Variants in HACE1 observed in about 807,000 individuals in gnomAD.
HACE1 encodes the protein HECT domain and ankyrin repeat containing E3 ubiquitin protein ligase 1.
A neutral mutation model predicts 118.4 loss-of-function variants in HACE1; 73 were observed. The ratio of observed to expected loss-of-function variants is 0.62; its 90% CI spans 0.51 to 0.75. The LOEUF (loss-of-function observed/expected upper bound fraction) is 0.75. Ranked by LOEUF, HACE1 falls within the 30% of genes least tolerant of loss-of-function variation. The probability of loss-of-function intolerance (pLI) is 0.00; values close to 1 mark genes in which losing one functional copy is unlikely to be tolerated. For synonymous variants in HACE1, 368 were observed against 374.8 expected, an observed-to-expected ratio of 0.98 and a Z score of 0.21; for missense variants, 749 against 1,102.2, an observed-to-expected ratio of 0.68 and a Z score of 4.54.
intron 20 of HACE1, among the ~76,000 whole-genome samples, chr6:104,746,016 G>A (rs1277458120): frequency 1.3e-5 from 2 of 152,120 alleles, no homozygotes; most frequent in African/African-American, 4.8e-5. Flanking sequence ...GGGCCCATTT[G>A]TCTTCTACTA....
At chr6:104,732,422 T>C (rs1014407256) in intron 22 of HACE1, 3 of 152,212 alleles carry the variant, frequency 2.0e-5, no homozygotes, top group African/African-American at 7.2e-5. Context: ...GAAGACCTTA[T>C]GCTAAGTGAA....
At chr6:104,751,486 G>A (rs1390417168) in intron 19 of HACE1, among the ~76,000 whole-genome samples, 3 of 152,092 alleles carry the variant, frequency 2.0e-5, no homozygotes, top group Admixed American at 6.6e-5. Context: ...AATAAGCAGA[G>A]GGCATGGTGG....
At chr6:104,762,989 CAAAAAA>C (rs56232124) in intron 19 of HACE1, among the ~76,000 whole-genome samples, 1 of 32,256 alleles carries the variant, frequency 3.1e-5, no homozygotes, top group Non-Finnish European at 6.4e-5. Flanking sequence ...GACTCCATCT[CAAAAAA>C]AAAAAAAAAA....
intron 1 of HACE1, among the ~76,000 whole-genome samples, chr6:104,856,052 A>G (rs1264550630): frequency 6.6e-6 from 1 of 152,242 alleles, no homozygotes; most frequent in Non-Finnish European, 1.5e-5. Flanking sequence ...ACTATCCAAG[A>G]AATACTATAC....
chr6:104,777,681 C>T (rs1314574460), intron 14 of HACE1, among the ~76,000 whole-genome samples: 3 of 152,148 alleles, frequency 2.0e-5, no homozygotes, highest in Non-Finnish European at 2.9e-5. Context: ...AGAAAAATTA[C>T]GTTGCGTGTT....
intron 6 of HACE1, 57 bp from the exon 7 acceptor site, chr6:104,811,450 T>C (rs1473288044): frequency 2.4e-6 from 2 of 824,896 alleles, no homozygotes; most frequent in Admixed American, 1.7e-5. Context: ...AAAGATACAA[T>C]TACCACAATT....
intron 9 of HACE1, 126 bp from the exon 10 acceptor site, chr6:104,795,811 T>C (rs1769560810): frequency 3.1e-6 from 2 of 649,778 alleles, no homozygotes; most frequent in Non-Finnish European, 5.4e-6. Flanking sequence ...TTATTTTGTC[T>C]TGCATAAGTT....
chr6:104,756,757 A>G (rs1778745507), intron 19 of HACE1, among the ~76,000 whole-genome samples: 2 of 152,188 alleles, frequency 1.3e-5, no homozygotes, highest in Non-Finnish European at 1.5e-5. Context: ...TCACCCGGGA[A>G]GCGCAAGGGG....
At chr6:104,775,916 G>C (rs541770976) in intron 17 of HACE1, among the ~76,000 whole-genome samples, 18 of 152,280 alleles carry the variant, frequency 1.2e-4, no homozygotes, top group African/African-American at 3.8e-4. Context: ...TAAACATTTG[G>C]GGAGAGAAAA....
chr6:104,830,173 T>C (rs1190579994), intron 6 of HACE1, among the ~76,000 whole-genome samples: 1 of 152,202 alleles, frequency 6.6e-6, no homozygotes, highest in Non-Finnish European at 1.5e-5. Context: ...GGTGTTTATA[T>C]TAAAGCAGGT....
intron 7 of HACE1, among the ~76,000 whole-genome samples, chr6:104,802,540 A>G (rs1213778096): frequency 6.6e-6 from 1 of 152,244 alleles, no homozygotes; most frequent in East Asian, 1.9e-4. Context: ...CAATCAAACT[A>G]GAACTCAGGA....
rs576030281 is a variant in HACE1, at chr6:104,859,351, A to AACC, written c.76+213_76+215dup. The AACC allele has an allele frequency of 1.1e-3, 572 of 512,056 alleles. 5 individuals carry two copies. In the African/African-American group the frequency reaches 0.011, roughly 10 times the overall value. 31.7% of individuals were successfully genotyped at this position (512,056 alleles called of 1,614,324 possible). A position where few individuals can be genotyped will look rare whatever the true frequency, so the allele number is the denominator to read the frequency against. ...TCCTCCCAGCAGCGGAACCCCCACC[A>AACC]ACCCAGTTTCCTCCCGAAAACTCCC... is the stretch of plus-strand genomic sequence containing the variant. On this transcript the variant is annotated intron_variant, in intron 1 of 23. Coordinates refer to ENST00000262903, the MANE Select transcript of HACE1 (RefSeq NM_020771.4).
At chr6:104,795,222 C>T (rs1783487024) in intron 10 of HACE1, among the ~76,000 whole-genome samples, 1 of 152,144 alleles carries the variant, frequency 6.6e-6, no homozygotes, top group Non-Finnish European at 1.5e-5. Context: ...AAAGGTTAAA[C>T]AGTAGCTTGT....
chr6:104,746,232 C>A (rs1377940535), intron 20 of HACE1, among the ~76,000 whole-genome samples: 1 of 152,138 alleles, frequency 6.6e-6, no homozygotes, highest in Non-Finnish European at 1.5e-5. Context: ...TAAACAAAAA[C>A]TCTTTTGTTT....
At chr6:104,758,987 A>G (rs1779030047) in intron 19 of HACE1, among the ~76,000 whole-genome samples, 1 of 152,212 alleles carries the variant, frequency 6.6e-6, no homozygotes, top group South Asian at 2.1e-4. Flanking sequence ...GGATCAATGC[A>G]ACAAGAAGAG....
At chr6:104,735,461 C>T (rs6920440) in intron 22 of HACE1, among the ~76,000 whole-genome samples, 68,611 of 151,696 alleles carry the variant, frequency 0.45, 17,607 homozygotes, top group African/African-American at 0.72. Context: ...TGAAACCCCG[C>T]CTCTACTAAA....
chr6:104,788,185 T>C (rs1782642160), intron 11 of HACE1, among the ~76,000 whole-genome samples: 1 of 152,116 alleles, frequency 6.6e-6, no homozygotes, highest in African/African-American at 2.4e-5. Flanking sequence ...TCTATATTCA[T>C]AAATAATAAA....
chr6:104,813,932 G>A (rs1216365567), intron 6 of HACE1, among the ~76,000 whole-genome samples: 1 of 137,686 alleles, frequency 7.3e-6, no homozygotes, highest in Non-Finnish European at 1.6e-5. Flanking sequence ...AATGATAAAA[G>A]GATGTTGGGT....
chr6:104,809,504 C>T (rs1771369090), intron 7 of HACE1, among the ~76,000 whole-genome samples: 1 of 152,086 alleles, frequency 6.6e-6, no homozygotes. Context: ...CAAAGAGAAT[C>T]ACTGTGGTTC....
Sources: gnomAD v4.1 joint callset for allele counts (sites outside exome capture counted in the v4.1 genomes callset) on GRCh38, gnomAD v4.1.1 for gene constraint, MANE v1.5 for transcripts, NCBI Gene and HGNC (gene_info 2026-07-23, HGNC 2026-07-21) for gene names.